Variants in CDC42BPA observed in about 807,000 individuals in gnomAD.
CDC42BPA encodes the protein CDC42 binding protein kinase alpha.
In CDC42BPA, 80 loss-of-function variants were observed where a neutral mutation model predicts 223.5. The ratio of observed to expected loss-of-function variants is 0.36; its 90% CI spans 0.30 to 0.43. CDC42BPA has a LOEUF of 0.43. Among genes scored for constraint, CDC42BPA ranks in the 20% least tolerant of loss-of-function variants. CDC42BPA has a pLI of 1.00. For missense variants in CDC42BPA, 1,743 were observed against 2,099.9 expected, an observed-to-expected ratio of 0.83 and a Z score of 3.32; for synonymous variants, 694 against 718.6, an observed-to-expected ratio of 0.97 and a Z score of 0.55.
intron 1 of CDC42BPA, among the ~76,000 whole-genome samples, chr1:227,298,593 A>C (rs771479624): frequency 5.9e-5 from 9 of 152,144 alleles, no homozygotes; most frequent in Non-Finnish European, 8.8e-5. Flanking sequence ...TCAACTGTTA[A>C]TATAGATTCA....
chr1:227,273,191 G>A (rs536349640), intron 1 of CDC42BPA, among the ~76,000 whole-genome samples: 44 of 150,296 alleles, frequency 2.9e-4, no homozygotes, highest in African/African-American at 1.0e-3. Context: ...TCAGCTACTC[G>A]GGAGGTTGAG....
rs1308134775 is a variant in CDC42BPA, at chr1:227,147,421, C to T, written c.832G>A (p.Gly278Arg). ...GATTCTGCATAAAATGGTGTTTCTCCGTAAAGCATTTCATACATACAGACC... is the reference window on the plus strand; with the variant it reads ...GATTCTGCATAAAATGGTGTTTCTCTGTAAAGCATTTCATACATACAGACC... ...LGVCMYEMLY[G>R]ETPFYAESLV... Residue 278 changes from glycine (G) to arginine (R), a missense_variant, in exon 7 of 37, where the codon GGA (glycine) becomes AGA (arginine). Coordinates refer to ENST00000366766, the MANE Select transcript of CDC42BPA (RefSeq NM_001394014.1). 2 of 1,613,050 alleles carry T rather than the reference C, an allele frequency of 1.2e-6. No individual in the cohort carries two copies. The highest frequency in any genetic ancestry group is 1.7e-6 in the Non-Finnish European group (2 of 1,179,618).
At chr1:227,147,158 C>A (rs1249445757) in intron 7 of CDC42BPA, among the ~76,000 whole-genome samples, 1 of 152,096 alleles carries the variant, frequency 6.6e-6, no homozygotes, top group African/African-American at 2.4e-5. Context: ...TACTTAGCGG[C>A]ATCTCTAATA....
At chr1:227,219,959 GAACACACCAAA>G (rs1675540312) in intron 2 of CDC42BPA, among the ~76,000 whole-genome samples, 1 of 151,822 alleles carries the variant, frequency 6.6e-6, no homozygotes, top group Non-Finnish European at 1.5e-5. Flanking sequence ...CATACAGCAA[GAACACACCAAA>G]AAAAAATTTA....
At chr1:227,023,101 TA>T (rs1377804211) in intron 32 of CDC42BPA, among the ~76,000 whole-genome samples, 161 bp downstream of exon 32, 3 of 152,228 alleles carry the variant, frequency 2.0e-5, no homozygotes, top group Non-Finnish European at 2.9e-5. Flanking sequence ...TTTATTCTAA[TA>T]TATTAAGAAT....
At chr1:227,061,894 A>G (rs1342375347) in intron 21 of CDC42BPA, among the ~76,000 whole-genome samples, 1 of 152,176 alleles carries the variant, frequency 6.6e-6, no homozygotes, top group East Asian at 1.9e-4. Context: ...CTCTGTTGCC[A>G]GTCCACTCCT....
intron 5 of CDC42BPA, among the ~76,000 whole-genome samples, chr1:227,171,758 G>C (rs939424864): frequency 6.6e-6 from 1 of 151,958 alleles, no homozygotes; most frequent in South Asian, 2.1e-4. Flanking sequence ...ATGCGGATAC[G>C]ACATTAGTTA....
chr1:227,098,310 C>T (rs1283450756), intron 15 of CDC42BPA, among the ~76,000 whole-genome samples: 1 of 152,146 alleles, frequency 6.6e-6, no homozygotes, highest in East Asian at 1.9e-4. Context: ...TGTTTTCATA[C>T]AGTCTCAGAG....
intron 1 of CDC42BPA, among the ~76,000 whole-genome samples, chr1:227,264,546 G>C (rs1317428641): frequency 6.9e-6 from 1 of 145,718 alleles, no homozygotes; most frequent in Non-Finnish European, 1.5e-5. Context: ...ATACATTTTA[G>C]GAGAGTTAAT....
chr1:227,257,601 T>C (rs1683309201), intron 1 of CDC42BPA, among the ~76,000 whole-genome samples: 1 of 149,988 alleles, frequency 6.7e-6, no homozygotes, highest in Non-Finnish European at 1.5e-5. Context: ...AATACAAAAA[T>C]TAAATGGGCA....
At chr1:227,242,408 C>T (rs999411573) in intron 2 of CDC42BPA, among the ~76,000 whole-genome samples, 1 of 151,936 alleles carries the variant, frequency 6.6e-6, no homozygotes, top group East Asian at 1.9e-4. Context: ...AAGATCTTCT[C>T]TATTACAATA....
intron 14 of CDC42BPA, among the ~76,000 whole-genome samples, chr1:227,102,010 T>A (rs1177485194): frequency 6.6e-6 from 1 of 152,186 alleles, no homozygotes; most frequent in South Asian, 2.1e-4. Flanking sequence ...CCAAAGGTCA[T>A]TAATTTGTTA....
intron 1 of CDC42BPA, among the ~76,000 whole-genome samples, chr1:227,279,077 T>A (rs1687599571): frequency 1.3e-5 from 2 of 152,088 alleles, no homozygotes; most frequent in South Asian, 4.2e-4. Context: ...CAGAAGGTAT[T>A]TCCTGAAGGT....
At chr1:227,132,115 ACCCTCTCCCTCT>A (rs11278964) in intron 10 of CDC42BPA, among the ~76,000 whole-genome samples, 23 of 151,102 alleles carry the variant, frequency 1.5e-4, no homozygotes, top group South Asian at 1.3e-3. Flanking sequence ...AAGAAATTCA[ACCCTCTCCCTCT>A]CCCTCTCCCT....
intron 5 of CDC42BPA, among the ~76,000 whole-genome samples, chr1:227,185,570 A>G (rs556352500): frequency 2.7e-4 from 41 of 152,276 alleles, no homozygotes; most frequent in African/African-American, 9.4e-4. Flanking sequence ...CAAATCAGAC[A>G]CTGCCTCCTC....
intron 1 of CDC42BPA, among the ~76,000 whole-genome samples, chr1:227,286,450 C>A (rs1292860041): frequency 6.6e-6 from 1 of 152,166 alleles, no homozygotes; most frequent in Non-Finnish European, 1.5e-5. Flanking sequence ...GTAAATTCCT[C>A]GTCAGCTTGG....
At chr1:227,238,881 T>G (rs981111273) in intron 2 of CDC42BPA, among the ~76,000 whole-genome samples, 8 of 152,184 alleles carry the variant, frequency 5.3e-5, no homozygotes, top group Non-Finnish European at 7.3e-5. Context: ...CCCACAATTA[T>G]ATTTGAAAAC....
chr1:227,059,412 C>A, intron 21 of CDC42BPA: 1 of 1,561,928 alleles, frequency 6.4e-7, no homozygotes, highest in Non-Finnish European at 8.7e-7. Context: ...ATGGAGAGCG[C>A]TTCAACAGAG....
chr1:227,069,853 C>T lies in CDC42BPA; in HGVS notation c.2828G>A (p.Gly943Asp). Residue 943 changes from glycine (G) to aspartate (D), a missense_variant and splice_region_variant, in exon 21 of 37, where the codon GGT becomes GAT. Gly to Asp is a moderately conservative substitution (Grantham distance 94, BLOSUM62 -1). Transcript: ENST00000366766. ...KDTEELRSEK[G>D]IEHQDSQHSF... ...ATGCTGTGAGTCTTGGTGCTCTATA[C>T]CTAGAAGACAGCAGCAACTTTTTTT... 6.2e-7 allele frequency: 1 copy of T among 1,607,864 alleles called. No individual in the cohort carries two copies.
Sources: gnomAD v4.1 joint callset for allele counts (sites outside exome capture counted in the v4.1 genomes callset) on GRCh38, gnomAD v4.1.1 for gene constraint, MANE v1.5 for transcripts, NCBI Gene and HGNC (gene_info 2026-07-23, HGNC 2026-07-21) for gene names.